Variants in CNTN4 observed in about 807,000 individuals in gnomAD.
CNTN4 encodes contactin 4, also known as contactin-4.
CNTN4 carries 77 observed loss-of-function variants against 122.5 expected under a neutral mutation model. The ratio of observed to expected loss-of-function variants is 0.63; its 90% CI spans 0.52 to 0.76. The LOEUF is 0.76. CNTN4 is among the 30% of genes least tolerant of loss of function. The pLI, the probability that CNTN4 is intolerant of heterozygous loss-of-function variation, is 0.00. For missense variants in CNTN4, 1,256 were observed against 1,259.1 expected (o/e 1.00, Z 0.04); for synonymous variants, 512 against 447.0 (o/e 1.15, Z -1.83).
At chr3:2,754,656 G>C (rs551434789) in intron 6 of CNTN4, among the ~76,000 whole-genome samples, 2 of 151,000 alleles carry the variant, frequency 1.3e-5, no homozygotes, top group Non-Finnish European at 2.9e-5. Flanking sequence ...GAGTGCTTAC[G>C]TACAAAAGCC....
chr3:2,571,030 A>G (rs1000123310), intron 3 of CNTN4, among the ~76,000 whole-genome samples: 1 of 150,852 alleles, frequency 6.6e-6, no homozygotes, highest in Non-Finnish European at 1.5e-5. Context: ...TGTTAAGCCT[A>G]TCTTGTTCTG....
intron 2 of CNTN4, among the ~76,000 whole-genome samples, chr3:2,219,759 A>C (rs1348526366): frequency 6.6e-6 from 1 of 152,164 alleles, no homozygotes; most frequent in African/African-American, 2.4e-5. Context: ...TGATTTAAGC[A>C]TTATTTTTTA....
intron 4 of CNTN4, among the ~76,000 whole-genome samples, chr3:2,669,772 C>G (rs576479930): frequency 3.9e-5 from 6 of 152,150 alleles, no homozygotes; most frequent in African/African-American, 7.2e-5. Flanking sequence ...AAATGTGTCC[C>G]AGAGATTCTG....
intron 6 of CNTN4, among the ~76,000 whole-genome samples, chr3:2,797,663 A>G (rs1376393278): frequency 6.6e-6 from 1 of 152,226 alleles, no homozygotes; most frequent in Admixed American, 6.5e-5. Flanking sequence ...AGATTAAACA[A>G]GTCCCTTTAC....
intron 3 of CNTN4, among the ~76,000 whole-genome samples, chr3:2,344,174 T>C (rs891587541): frequency 1.3e-5 from 2 of 152,084 alleles, no homozygotes; most frequent in African/African-American, 4.8e-5. Context: ...ATCCAAACTA[T>C]ATCAGTGATA....
chr3:2,642,582 A>G (rs2082943048), intron 4 of CNTN4, among the ~76,000 whole-genome samples: 1 of 152,192 alleles, frequency 6.6e-6, no homozygotes, highest in African/African-American at 2.4e-5. Flanking sequence ...GTGTACACAT[A>G]TACAGGTATG....
chr3:2,523,433 C>A (rs926748159), intron 3 of CNTN4, among the ~76,000 whole-genome samples: 2 of 147,790 alleles, frequency 1.4e-5, no homozygotes, highest in Admixed American at 6.8e-5. Flanking sequence ...AAAGATAGAA[C>A]AGTTTTTCAG....
At chr3:2,310,042 G>C (rs1297684914) in intron 2 of CNTN4, among the ~76,000 whole-genome samples, 4 of 152,088 alleles carry the variant, frequency 2.6e-5, no homozygotes, top group African/African-American at 9.7e-5. Flanking sequence ...TTAGTTTTCA[G>C]GTGGAATATG....
At chr3:3,020,619 G>A (rs982824518) in intron 14 of CNTN4, among the ~76,000 whole-genome samples, 35 of 152,148 alleles carry the variant, frequency 2.3e-4, no homozygotes, top group Admixed American at 6.5e-5. Context: ...GGAGATTCAT[G>A]TTCTTCTGTG....
At chr3:2,650,152 C>G (rs1287925886) in intron 4 of CNTN4, among the ~76,000 whole-genome samples, 1 of 150,650 alleles carries the variant, frequency 6.6e-6, no homozygotes, top group Non-Finnish European at 1.5e-5. Context: ...GTCAAAATAT[C>G]AACCTTACCA....
intron 13 of CNTN4, among the ~76,000 whole-genome samples, chr3:2,933,088 C>T (rs2094538565): frequency 6.6e-6 from 1 of 152,116 alleles, no homozygotes; most frequent in East Asian, 1.9e-4. Flanking sequence ...TCCCAAAGTG[C>T]TGGGATTACA....
chr3:2,638,206 ATT>A (rs2082748763), intron 4 of CNTN4, among the ~76,000 whole-genome samples: 1 of 152,150 alleles, frequency 6.6e-6, no homozygotes, highest in Non-Finnish European at 1.5e-5. Context: ...ATGGCTTCAG[ATT>A]CATGACCCTG....
At chr3:2,658,840 A>G (rs1395526976) in intron 4 of CNTN4, among the ~76,000 whole-genome samples, 2 of 152,028 alleles carry the variant, frequency 1.3e-5, no homozygotes, top group South Asian at 2.1e-4. Flanking sequence ...TCTATCTCCA[A>G]TAGAGCATGT....
chr3:2,392,825 A>G (rs539042285), intron 3 of CNTN4, among the ~76,000 whole-genome samples: 58 of 152,294 alleles, frequency 3.8e-4, no homozygotes, highest in Admixed American at 1.4e-3. Context: ...CTCTTGTAAC[A>G]AAGTACCACA....
At chr3:2,665,193 C>T (rs1326710908) in intron 4 of CNTN4, among the ~76,000 whole-genome samples, 2 of 152,184 alleles carry the variant, frequency 1.3e-5, no homozygotes, top group African/African-American at 2.4e-5. Context: ...AATACTAATT[C>T]AGATGGTCTT....
At chr3:2,783,017 G>T (rs774478917) in intron 6 of CNTN4, among the ~76,000 whole-genome samples, 2 of 152,168 alleles carry the variant, frequency 1.3e-5, no homozygotes, top group South Asian at 2.1e-4. Flanking sequence ...GGTGGCTTAC[G>T]CCTGTAATCA....
intron 2 of CNTN4, among the ~76,000 whole-genome samples, chr3:2,148,255 C>T (rs552150173): frequency 2.0e-5 from 3 of 152,182 alleles, no homozygotes; most frequent in Middle Eastern, 3.4e-3. Flanking sequence ...ACAGCAAGGC[C>T]GGGCGCAGTG....
chr3:2,284,918 G>C (rs1302250508), intron 2 of CNTN4, among the ~76,000 whole-genome samples: 2 of 151,656 alleles, frequency 1.3e-5, no homozygotes, highest in African/African-American at 2.4e-5. Context: ...GAGATGACTT[G>C]AAAAAAATGC....
At chr3:2,957,184 C>A (rs968452463) in intron 13 of CNTN4, among the ~76,000 whole-genome samples, 18 of 150,804 alleles carry the variant, frequency 1.2e-4, no homozygotes, top group African/African-American at 4.4e-4. Flanking sequence ...TATGGTAGTT[C>A]TAATTTAAAT....
Sources: gnomAD v4.1 joint callset for allele counts (sites outside exome capture counted in the v4.1 genomes callset) on GRCh38, gnomAD v4.1.1 for gene constraint, MANE v1.5 for transcripts, NCBI Gene and HGNC (gene_info 2026-07-23, HGNC 2026-07-21) for gene names.